THBS4: variants seen among roughly 807,000 people sequenced by gnomAD.
THBS4 encodes thrombospondin 4.
A neutral mutation model predicts 115.7 loss-of-function variants in THBS4; 90 were observed. That is an observed-to-expected ratio of 0.78 (90% CI 0.66 to 0.93). The LOEUF (loss-of-function observed/expected upper bound fraction) is 0.93, where lower values mean the gene tolerates loss of function less well. Among genes scored for constraint, THBS4 ranks in the 40% least tolerant of loss-of-function variants. THBS4 has a pLI of 0.00. For missense variants in THBS4, 1,087 were observed against 1,232.7 expected (o/e 0.88, Z 1.77); for synonymous variants, 460 against 479.3 (o/e 0.96, Z 0.53).
chr5:80,060,007 T>A, intron 7 of THBS4, 102 bp downstream of exon 7: 1 of 1,168,142 alleles, frequency 8.6e-7, no homozygotes, highest in East Asian at 2.4e-5. Flanking sequence ...TGACTTGGGC[T>A]GTCCTCCAGG....
At chr5:80,067,357 A>G (rs1833867796) in intron 9 of THBS4, 1 of 151,732 alleles carries the variant, frequency 6.6e-6, no homozygotes, top group Non-Finnish European at 1.5e-5. Flanking sequence ...AACATATTGT[A>G]TAATATTTAT....
chr5:80,073,391 T>C (rs906626563), intron 15 of THBS4, 64 bp downstream of exon 15: 3 of 1,178,170 alleles, frequency 2.5e-6, no homozygotes, highest in Non-Finnish European at 3.5e-6. Context: ...TTTTGGTTTG[T>C]TTTTTTTTTT....
intron 20 of THBS4, chr5:80,081,941 C>T (rs1044074721): frequency 6.5e-6 from 1 of 154,384 alleles, no homozygotes; most frequent in Non-Finnish European, 1.4e-5. Context: ...GTGCTGTCTC[C>T]TGTGGAGAAT....
intron 8 of THBS4, 65 bp downstream of exon 8, chr5:80,061,897 C>T: frequency 1.3e-6 from 2 of 1,497,756 alleles, no homozygotes; most frequent in Non-Finnish European, 1.8e-6. Context: ...TTGGTTCCCA[C>T]CTCTTTGGTA....
rs746419390 is a variant in THBS4 at position 80,061,797 on chromosome 5, G to A, written c.1090G>A (p.Gly364Ser). Reference protein sequence around the residue: ...PVGFTGPMVQGVGISFAKSNK... With the variant: ...PVGFTGPMVQSVGISFAKSNK... ...GGGCTTCACAGGGCCCATGGTGCAG[G>A]GTGTTGGGATCAGTTTTGCCAAGTC... Residue 364 changes from glycine to serine, a missense_variant, in exon 8 of 22, where the codon GGT becomes AGT. Around this residue, in one of 3 missense-constraint regions of THBS4, gnomAD observed 979 missense variants for 1,103.7 expected, o/e 0.89. Transcript: ENST00000350881. 5 of 1,612,946 alleles carry A rather than the reference G, an allele frequency of 3.1e-6. No individual in the cohort carries two copies. The highest frequency in any genetic ancestry group is 4.2e-6 in the Non-Finnish European group (5 of 1,179,744).
Position 80,079,048 on chromosome 5 carries a change from T to C in THBS4, c.2315-14T>C, listed in dbSNP as rs772839252. The C allele has an allele frequency of 3.7e-6, 6 of 1,612,226 alleles. No homozygotes were observed. The highest frequency in any genetic ancestry group is 5.1e-6 in the Non-Finnish European group (6 of 1,178,676). ...TGGTTTGTCTATTGTTCTAATCTTATCTGGTCCCTACAGGGTACACAGCTT... is the reference window on the plus strand; with the variant it reads ...TGGTTTGTCTATTGTTCTAATCTTACCTGGTCCCTACAGGGTACACAGCTT... On this transcript the variant is annotated splice_polypyrimidine_tract_variant and intron_variant, in intron 18 of 21. Transcript: ENST00000350881.
At chr5:79,996,245 A>C (rs1168789107) in intron 1 of THBS4, among the ~76,000 whole-genome samples, 2 of 152,236 alleles carry the variant, frequency 1.3e-5, no homozygotes, top group Non-Finnish European at 2.9e-5. Context: ...AATTAGTATT[A>C]AGGCGATAAA....
chr5:80,040,574 A>G (rs1832867429), intron 2 of THBS4, among the ~76,000 whole-genome samples: 1 of 152,230 alleles, frequency 6.6e-6, no homozygotes, highest in Admixed American at 6.5e-5. Flanking sequence ...AACAGAGAGG[A>G]CAAGGGACAA....
intron 2 of THBS4, among the ~76,000 whole-genome samples, chr5:80,041,251 G>T (rs1479655157): frequency 6.6e-6 from 1 of 152,114 alleles, no homozygotes; most frequent in Admixed American, 6.5e-5. Context: ...AAGCTCTCTT[G>T]TGTCTCTTCT....
intron 2 of THBS4, among the ~76,000 whole-genome samples, chr5:80,052,168 G>A (rs922132886): frequency 3.3e-5 from 5 of 152,122 alleles, no homozygotes; most frequent in South Asian, 2.1e-4. Context: ...TAAAAATTGA[G>A]TTAGTGCATA....
intron 2 of THBS4, among the ~76,000 whole-genome samples, chr5:80,015,904 G>C (rs1222594717): frequency 1.3e-5 from 2 of 152,216 alleles, no homozygotes; most frequent in Admixed American, 1.3e-4. Context: ...TACATTCTTA[G>C]ACAAACTGCA....
chr5:80,066,756 T>C (rs567360826), intron 9 of THBS4: 1 of 152,192 alleles, frequency 6.6e-6, no homozygotes, highest in Non-Finnish European at 1.5e-5. Flanking sequence ...GACAAAGTAG[T>C]CTGCAAATAG....
At chr5:80,037,640 G>A (rs900728569) in intron 1 of THBS4, among the ~76,000 whole-genome samples, 5 of 152,166 alleles carry the variant, frequency 3.3e-5, no homozygotes, top group African/African-American at 4.8e-5. Flanking sequence ...TTGAAATACC[G>A]CAAGTTTAGC....
At chr5:80,074,955 C>T (rs1157587078) in intron 15 of THBS4, among the ~76,000 whole-genome samples, 1 of 152,040 alleles carries the variant, frequency 6.6e-6, no homozygotes, top group Non-Finnish European at 1.5e-5. Context: ...GGGTATTGGT[C>T]CCAGGATACC....
chr5:80,035,713 T>A lies in THBS4; in HGVS notation c.88+88T>A. 1 of 954,310 alleles carries A rather than the reference T, an allele frequency of 1.0e-6. No homozygotes were observed. 59.1% of individuals were successfully genotyped at this position (954,310 alleles called of 1,614,324 possible). ...TGGAGGGACTTGCTCGGCCCTGTGC[T>A]CCTGTGGCCTTGCTCAGCCCCTCTC... On this transcript the variant is annotated intron_variant, in intron 1 of 21. Coordinates refer to ENST00000350881, the MANE Select transcript of THBS4 (RefSeq NM_003248.6). This position sits in a 1 kb window ranked among gnomAD's most constrained non-coding sequence, Gnocchi z 4.6.
chr5:80,005,343 G>T (rs185832518), intron 2 of THBS4, among the ~76,000 whole-genome samples: 5 of 152,242 alleles, frequency 3.3e-5, no homozygotes, highest in Non-Finnish European at 7.4e-5. Flanking sequence ...TGTTATTTCC[G>T]TGTGTAATAC....
chr5:80,018,775 G>C (rs1354212978), intron 2 of THBS4, among the ~76,000 whole-genome samples: 1 of 152,012 alleles, frequency 6.6e-6, no homozygotes, highest in African/African-American at 2.4e-5. Flanking sequence ...AGCATATTAA[G>C]TATATTTATT....
chr5:80,008,323 G>A (rs1469496424), intron 2 of THBS4, among the ~76,000 whole-genome samples: 1 of 152,064 alleles, frequency 6.6e-6, no homozygotes, highest in Non-Finnish European at 1.5e-5. Context: ...ATAAGATGAT[G>A]CCCACTTAAA....
chr5:80,060,238 C>T (rs1833587225), intron 7 of THBS4, among the ~76,000 whole-genome samples: 2 of 152,138 alleles, frequency 1.3e-5, no homozygotes, highest in African/African-American at 4.8e-5. Flanking sequence ...CCCACTTTTG[C>T]AAATGTGGAA....
Sources: allele counts gnomAD v4.1 joint callset (sites outside exome capture counted in the v4.1 genomes callset), GRCh38; gene constraint gnomAD v4.1.1; regional missense constraint gnomAD v4.1.1; non-coding constraint Gnocchi (gnomAD v3.1); transcripts MANE v1.5; gene names NCBI Gene and HGNC (gene_info 2026-07-23, HGNC 2026-07-21).